Variants in GHR observed in about 807,000 individuals in gnomAD.
The protein encoded by GHR is growth hormone receptor, also known as GH receptor.
In GHR, 35 loss-of-function variants were observed where a neutral mutation model predicts 67.1. The observed-to-expected ratio is 0.52, with a 90% CI of 0.40 to 0.69. The LOEUF (loss-of-function observed/expected upper bound fraction) is 0.69. Among genes scored for constraint, GHR ranks in the 30% least tolerant of loss-of-function variants. GHR has a pLI of 0.00. For synonymous variants in GHR, 272 were observed against 269.1 expected (o/e 1.01, Z -0.10); for missense variants, 792 against 764.6 (o/e 1.04, Z -0.42).
chr5:42,523,528 T>C (rs2112313016), intron 1 of GHR, among the ~76,000 whole-genome samples: 1 of 152,272 alleles, frequency 6.6e-6, no homozygotes, highest in South Asian at 2.1e-4. Context: ...TATGTTGTTT[T>C]GGCACACCAT....
chr5:42,661,273 G>A (rs544232764), intron 3 of GHR, among the ~76,000 whole-genome samples: 4 of 152,140 alleles, frequency 2.6e-5, no homozygotes, highest in Admixed American at 6.6e-5. Context: ...GATATTCCTC[G>A]AGAAGAGCAG....
At chr5:42,562,606 G>A (rs1438260889) in intron 1 of GHR, among the ~76,000 whole-genome samples, 1 of 150,072 alleles carries the variant, frequency 6.7e-6, no homozygotes, top group East Asian at 2.0e-4. Context: ...CACATTCTAT[G>A]GACATATGTT....
intron 1 of GHR, among the ~76,000 whole-genome samples, chr5:42,504,136 G>C (rs2112240674): frequency 6.6e-6 from 1 of 152,196 alleles, no homozygotes; most frequent in Non-Finnish European, 1.5e-5. Flanking sequence ...TTCTTTTGGA[G>C]TTATCCTGCA....
At chr5:42,479,974 A>T in intron 1 of GHR, among the ~76,000 whole-genome samples, 1 of 149,862 alleles carries the variant, frequency 6.7e-6, no homozygotes, top group Non-Finnish European at 1.5e-5. Context: ...TTTAATTGTG[A>T]TGTTAGGGTG....
At chr5:42,491,388 G>A (rs1426487327) in intron 1 of GHR, among the ~76,000 whole-genome samples, 2 of 152,214 alleles carry the variant, frequency 1.3e-5, no homozygotes, top group African/African-American at 4.8e-5. Context: ...TCACTACAGA[G>A]GCAATGTAGC....
chr5:42,677,078 T>G (rs1014724045), intron 3 of GHR, among the ~76,000 whole-genome samples: 1 of 151,588 alleles, frequency 6.6e-6, no homozygotes, highest in Middle Eastern at 3.2e-3. Flanking sequence ...AAAAGTAAAA[T>G]TAAAAAAAAA....
intron 1 of GHR, among the ~76,000 whole-genome samples, chr5:42,504,241 T>G (rs1211595418): frequency 6.6e-6 from 1 of 152,178 alleles, no homozygotes; most frequent in African/African-American, 2.4e-5. Context: ...ACATTCTGAC[T>G]GACTATAGGC....
At chr5:42,696,319 G>A (rs1289815188) in intron 5 of GHR, among the ~76,000 whole-genome samples, 1 of 152,170 alleles carries the variant, frequency 6.6e-6, no homozygotes, top group Non-Finnish European at 1.5e-5. Flanking sequence ...GTGTTAGCCT[G>A]GAAATACGTG....
intron 3 of GHR, among the ~76,000 whole-genome samples, chr5:42,656,797 G>A (rs1203348756): frequency 2.6e-5 from 4 of 152,112 alleles, no homozygotes; most frequent in Non-Finnish European, 4.4e-5. Flanking sequence ...CAATCTCTGT[G>A]TAGTTTCATT....
At position 42,440,309 on chromosome 5, in the gene GHR, T is replaced by G. The variant is rs183303763; in HGVS notation, c.-12+16354T>G. On this transcript the variant is annotated intron_variant, in intron 1 of 9. Coordinates refer to ENST00000230882, the MANE Select transcript of GHR (RefSeq NM_000163.5). ...ACATATATGAGAACTTGACTCAGGT[T>G]GGTATATTTGATGGTTAGGGAAAGC... is the stretch of plus-strand genomic sequence containing the variant. 5.9e-3 allele frequency among the ~76,000 whole-genome samples: 901 copies of G among 152,268 alleles called. 3 individuals carry two copies. Among genetic ancestry groups the G allele is most frequent in the Middle Eastern group, 0.01 (3 of 294 alleles).
intron 1 of GHR, among the ~76,000 whole-genome samples, chr5:42,558,588 C>G (rs958829312): frequency 2.0e-5 from 3 of 152,104 alleles, no homozygotes; most frequent in African/African-American, 7.2e-5. Flanking sequence ...TTAGATATGT[C>G]TAGATACATA....
intron 1 of GHR, among the ~76,000 whole-genome samples, chr5:42,536,215 C>A (rs969627742): frequency 6.6e-6 from 1 of 151,952 alleles, no homozygotes; most frequent in African/African-American, 2.4e-5. Context: ...AGAGGAGTGG[C>A]GAGAGTGGGC....
intron 2 of GHR, among the ~76,000 whole-genome samples, chr5:42,593,439 C>T (rs1751897650): frequency 6.6e-6 from 1 of 152,118 alleles, no homozygotes; most frequent in African/African-American, 2.4e-5. Context: ...ACACATTTAC[C>T]TAATTTGGTG....
At chr5:42,485,093 G>A (rs138217182) in intron 1 of GHR, among the ~76,000 whole-genome samples, 67 of 152,266 alleles carry the variant, frequency 4.4e-4, no homozygotes, top group Middle Eastern at 6.8e-3. Flanking sequence ...ACCCTGTCAA[G>A]TTTACCCATT....
intron 2 of GHR, among the ~76,000 whole-genome samples, chr5:42,598,518 A>G (rs1157734300): frequency 6.6e-6 from 1 of 152,140 alleles, no homozygotes; most frequent in Non-Finnish European, 1.5e-5. Context: ...TGTCCTCAAC[A>G]TGTTCTTAAA....
At chr5:42,682,732 T>C (rs1049433293) in intron 3 of GHR, among the ~76,000 whole-genome samples, 1 of 152,252 alleles carries the variant, frequency 6.6e-6, no homozygotes, top group Non-Finnish European at 1.5e-5. Context: ...GCTTGTGTCA[T>C]TCTTGAGCAC....
chr5:42,639,886 A>G (rs566951167), intron 3 of GHR, among the ~76,000 whole-genome samples: 1 of 152,320 alleles, frequency 6.6e-6, no homozygotes, highest in Admixed American at 6.5e-5. Flanking sequence ...AGAAGCTTAA[A>G]TAATGTTTAT....
At chr5:42,534,570 G>C (rs532239239) in intron 1 of GHR, among the ~76,000 whole-genome samples, 13 of 151,828 alleles carry the variant, frequency 8.6e-5, no homozygotes, top group Admixed American at 1.3e-4. Context: ...GTTGATTGAT[G>C]AGCATTTGGG....
At chr5:42,647,599 C>A in intron 3 of GHR, 2 of 401,856 alleles carry the variant, frequency 5.0e-6, no homozygotes, top group East Asian at 7.8e-5. Context: ...AAGTCAAGGG[C>A]CAAAGTAACA....
Sources: allele counts gnomAD v4.1 joint callset (sites outside exome capture counted in the v4.1 genomes callset), GRCh38; gene constraint gnomAD v4.1.1; transcripts MANE v1.5; gene names NCBI Gene and HGNC (gene_info 2026-07-23, HGNC 2026-07-21).